MAPK14: variants seen among roughly 807,000 people sequenced by gnomAD.
The protein encoded by MAPK14 is mitogen-activated protein kinase 14, also known as CSAID-binding protein.
A neutral mutation model predicts 49.6 loss-of-function variants in MAPK14; 16 were observed. That is an observed-to-expected ratio of 0.32 (90% CI 0.22 to 0.49). The LOEUF is 0.49. Ranked by LOEUF, MAPK14 falls within the 20% of genes least tolerant of loss-of-function variation. MAPK14 has a pLI of 0.99. For missense variants in MAPK14, 200 were observed against 441.2 expected, an observed-to-expected ratio of 0.45 and a Z score of 4.90; for synonymous variants, 142 against 158.0, an observed-to-expected ratio of 0.90 and a Z score of 0.76.
At chr6:36,102,028 T>A (rs1423888416) in intron 9 of MAPK14, among the ~76,000 whole-genome samples, 1 of 152,236 alleles carries the variant, frequency 6.6e-6, no homozygotes. Flanking sequence ...GTTTGTTATC[T>A]CTAATCTTCA....
chr6:36,054,430 C>T lies in MAPK14; in HGVS notation c.246+1602C>T, dbSNP rs376482229. Among the ~76,000 whole-genome samples the T allele has an allele frequency of 1.2e-3, 180 of 152,278 alleles. 3 individuals carry two copies. In the South Asian group the frequency reaches 0.036, roughly 30 times the overall value. On this transcript the variant is annotated intron_variant, in intron 2 of 11. Coordinates refer to ENST00000229794, the MANE Select transcript of MAPK14 (RefSeq NM_139012.3). ...ATATGTTAAGCCAATGTTTAGGGAT[C>T]ATGGTATTAGAAAAATAGGATTTTA...
rs969409700 is a variant in MAPK14 at position 36,081,187 on chromosome 6, AT to A, written c.682+4587del. ...TTTAATTTTGATTAAGTTCCAATTT[AT>A]TTTTTTTCTGTCCTTGCTCATGCTT... On this transcript the variant is annotated intron_variant, in intron 8 of 11. Transcript: ENST00000229794. 6.7e-4 allele frequency among the ~76,000 whole-genome samples: 101 copies of A among 151,374 alleles called. 1 individual carries two copies. Among genetic ancestry groups the A allele is most frequent in the African/African-American group, 2.4e-3 (97 of 41,272 alleles).
chr6:36,075,987 G>T, intron 7 of MAPK14, 25 bp downstream of exon 7: 2 of 1,612,440 alleles, frequency 1.2e-6, no homozygotes, highest in Non-Finnish European at 1.7e-6. Context: ...GGTTATTTAG[G>T]GCCTTATTTA....
chr6:36,097,613 A>T (rs1765488401), intron 9 of MAPK14: 1 of 152,202 alleles, frequency 6.6e-6, no homozygotes, highest in Non-Finnish European at 1.5e-5. Context: ...GTCTCCTAGC[A>T]GCCCTTTCTT....
chr6:36,076,364 T>C lies in MAPK14; in HGVS notation c.611-173T>C, dbSNP rs140703241. Among the ~76,000 whole-genome samples, 831 of 152,322 alleles carry C rather than the reference T, an allele frequency of 5.5e-3. 6 individuals carry two copies. The highest frequency in any genetic ancestry group is 8.1e-3 in the Non-Finnish European group (551 of 68,020). On this transcript the variant is annotated intron_variant, in intron 7 of 11. Transcript: ENST00000229794. ...ACCCCACCTTTGAACAGCCCTTTAG[T>C]CAGGTGAAGATCTTAGTAAGCTATT...
intron 3 of MAPK14, among the ~76,000 whole-genome samples, chr6:36,071,061 G>A (rs989822551): frequency 4.6e-5 from 7 of 152,008 alleles, no homozygotes; most frequent in African/African-American, 1.4e-4. Context: ...AGCCAGGCAC[G>A]GTAGCTCACT....
intron 1 of MAPK14, among the ~76,000 whole-genome samples, chr6:36,029,823 A>G (rs974974482): frequency 6.6e-6 from 1 of 151,960 alleles, no homozygotes; most frequent in African/African-American, 2.4e-5. Flanking sequence ...AGGAATTTGC[A>G]GCATTTTACA....
chr6:36,045,580 G>A (rs535248960), intron 1 of MAPK14, among the ~76,000 whole-genome samples: 2 of 148,310 alleles, frequency 1.3e-5, no homozygotes, highest in East Asian at 3.9e-4. Flanking sequence ...AGGCTGAGGT[G>A]GGCGGATCAC....
At chr6:36,054,743 T>TC (rs1763529679) in intron 2 of MAPK14, among the ~76,000 whole-genome samples, 2 of 152,198 alleles carry the variant, frequency 1.3e-5, no homozygotes, top group Admixed American at 1.3e-4. Flanking sequence ...AACCAAAACT[T>TC]CCGGTAAGTT....
At chr6:36,036,183 C>CT (rs1762741109) in intron 1 of MAPK14, among the ~76,000 whole-genome samples, 1 of 149,516 alleles carries the variant, frequency 6.7e-6, no homozygotes, top group Non-Finnish European at 1.5e-5. Flanking sequence ...TTGCAGTGAG[C>CT]CACTGCAACC....
At chr6:36,077,362 A>T (rs560559919) in intron 8 of MAPK14, among the ~76,000 whole-genome samples, 7 of 152,240 alleles carry the variant, frequency 4.6e-5, no homozygotes, top group African/African-American at 1.7e-4. Flanking sequence ...ATATATGTCT[A>T]GAATTAGTTT....
At chr6:36,037,301 A>G (rs1276177520) in intron 1 of MAPK14, among the ~76,000 whole-genome samples, 1 of 152,162 alleles carries the variant, frequency 6.6e-6, no homozygotes, top group East Asian at 1.9e-4. Context: ...GCAGTGTTCA[A>G]GTCTTTTAAT....
intron 10 of MAPK14, among the ~76,000 whole-genome samples, chr6:36,106,149 C>T (rs1004464577): frequency 2.6e-5 from 4 of 152,170 alleles, no homozygotes; most frequent in Admixed American, 1.3e-4. Context: ...TGCACTGTCA[C>T]GTGCACAGCA....
intron 11 of MAPK14, among the ~76,000 whole-genome samples, chr6:36,108,119 T>A (rs371335973): frequency 2.2e-3 from 339 of 152,264 alleles, no homozygotes; most frequent in African/African-American, 7.8e-3. Context: ...GCTCTTTCAT[T>A]CTTGAGCACC....
At chr6:36,098,680 GA>G (rs1765531384) in intron 9 of MAPK14, among the ~76,000 whole-genome samples, 1 of 152,180 alleles carries the variant, frequency 6.6e-6, no homozygotes, top group East Asian at 1.9e-4. Flanking sequence ...GACAAAGACA[GA>G]AAATGTGCAG....
intron 8 of MAPK14, among the ~76,000 whole-genome samples, chr6:36,086,526 C>T (rs1181055171): frequency 6.6e-6 from 1 of 152,208 alleles, no homozygotes; most frequent in Non-Finnish European, 1.5e-5. Flanking sequence ...ATAAACACCT[C>T]TATGCAAATA....
intron 8 of MAPK14, among the ~76,000 whole-genome samples, chr6:36,088,541 C>T (rs1385592532): frequency 1.3e-5 from 2 of 151,756 alleles, no homozygotes; most frequent in East Asian, 1.9e-4. Context: ...ACTAATTTGG[C>T]GAAACCCCAT....
At chr6:36,032,805 CACTTT>C (rs1762592550) in intron 1 of MAPK14, among the ~76,000 whole-genome samples, 1 of 152,300 alleles carries the variant, frequency 6.6e-6, no homozygotes, top group African/African-American at 2.4e-5. Context: ...TTGTGCTGTG[CACTTT>C]ATCATCAGCA....
intron 3 of MAPK14, among the ~76,000 whole-genome samples, chr6:36,063,903 G>C (rs1262227862): frequency 2.0e-5 from 3 of 152,082 alleles, no homozygotes; most frequent in Non-Finnish European, 4.4e-5. Context: ...CCTTTCTGTT[G>C]GCTTCTTGAT....
Sources: allele counts gnomAD v4.1 joint callset (sites outside exome capture counted in the v4.1 genomes callset), GRCh38; gene constraint gnomAD v4.1.1; transcripts MANE v1.5; gene names NCBI Gene and HGNC (gene_info 2026-07-23, HGNC 2026-07-21).